Variants in HS3ST3A1 observed in about 807,000 individuals in gnomAD.
The protein encoded by HS3ST3A1 is heparan sulfate glucosamine 3-O-sulfotransferase 3A1.
In HS3ST3A1, 19 loss-of-function variants were observed where a neutral mutation model predicts 25.7. The ratio of observed to expected loss-of-function variants is 0.74; its 90% confidence interval spans 0.52 to 1.08. The LOEUF is 1.08. Ranked by LOEUF, HS3ST3A1 falls within the 50% of genes least tolerant of loss-of-function variation. HS3ST3A1 has a pLI of 0.00. For synonymous variants in HS3ST3A1, 226 were observed against 278.6 expected (o/e 0.81, Z 1.88); for missense variants, 459 against 594.3 (o/e 0.77, Z 2.37).
chr17:13,518,221 A>AG (rs1906117071), intron 1 of HS3ST3A1, among the ~76,000 whole-genome samples: 1 of 148,942 alleles, frequency 6.7e-6, no homozygotes, highest in African/African-American at 2.5e-5. Flanking sequence ...ACTGTTAACA[A>AG]GCTTCTCAAA....
At position 13,497,568 on chromosome 17, in the gene HS3ST3A1, T is replaced by A. The variant is rs185756188; in HGVS notation, c.600-750A>T. Reference sequence around the variant, plus strand: ...CAAATGAGATATCACTTTATCATATTAAAAACAAAAATCCAGTTGGAGTCT... The same window carrying A: ...CAAATGAGATATCACTTTATCATATAAAAAACAAAAATCCAGTTGGAGTCT... On this transcript the variant is annotated intron_variant, in intron 1 of 1. Coordinates refer to ENST00000284110, the MANE Select transcript of HS3ST3A1 (RefSeq NM_006042.3). Among the ~76,000 whole-genome samples, 47 of 152,318 alleles carry A rather than the reference T, an allele frequency of 3.1e-4. No individual in the cohort carries two copies. In the East Asian group the frequency reaches 8.5e-3, roughly 28 times the overall value.
chr17:13,546,757 TCC>T (rs1907099955), intron 1 of HS3ST3A1, among the ~76,000 whole-genome samples: 2 of 152,204 alleles, frequency 1.3e-5, no homozygotes, highest in African/African-American at 4.8e-5. Flanking sequence ...TCAAACTGTG[TCC>T]TCTAGAACAC....
intron 1 of HS3ST3A1, among the ~76,000 whole-genome samples, chr17:13,530,008 A>ACACG: frequency 7.3e-6 from 1 of 137,492 alleles, no homozygotes; most frequent in Non-Finnish European, 1.6e-5. Context: ...ATGTAACTAC[A>ACACG]CACACACACA....
chr17:13,582,048 CA>C (rs1220339662), intron 1 of HS3ST3A1, among the ~76,000 whole-genome samples: 1 of 151,212 alleles, frequency 6.6e-6, no homozygotes, highest in African/African-American at 2.4e-5. Flanking sequence ...AACAGACACA[CA>C]AAAAAAGACT....
chr17:13,548,653 A>C (rs1567620734), intron 1 of HS3ST3A1, among the ~76,000 whole-genome samples: 1 of 152,200 alleles, frequency 6.6e-6, no homozygotes, highest in Non-Finnish European at 1.5e-5. Flanking sequence ...GGGGACTTGG[A>C]GAACTTTTCT....
chr17:13,561,255 T>C (rs963543454), intron 1 of HS3ST3A1, among the ~76,000 whole-genome samples: 13 of 152,190 alleles, frequency 8.5e-5, no homozygotes, highest in Non-Finnish European at 1.9e-4. Context: ...ACTTTGGGTA[T>C]GGCTGTGTAT....
intron 1 of HS3ST3A1, among the ~76,000 whole-genome samples, chr17:13,597,036 A>G (rs1469079038): frequency 6.6e-6 from 1 of 152,142 alleles, no homozygotes; most frequent in Non-Finnish European, 1.5e-5. Context: ...GCTCTAGAAT[A>G]AAATGATTCT....
chr17:13,551,347 C>CAATAAATA (rs71144973), intron 1 of HS3ST3A1, among the ~76,000 whole-genome samples: 7 of 141,320 alleles, frequency 5.0e-5, no homozygotes, highest in Admixed American at 1.4e-4. Context: ...GACTCCATCT[C>CAATAAATA]AATAAATAAA....
intron 1 of HS3ST3A1, among the ~76,000 whole-genome samples, chr17:13,519,806 T>C (rs940282051): frequency 1.3e-5 from 2 of 152,178 alleles, no homozygotes; most frequent in African/African-American, 4.8e-5. Flanking sequence ...CTCCAACCTA[T>C]TGATTTGGTT....
At chr17:13,534,376 T>C (rs1371327492) in intron 1 of HS3ST3A1, among the ~76,000 whole-genome samples, 1 of 151,502 alleles carries the variant, frequency 6.6e-6, no homozygotes, top group Non-Finnish European at 1.5e-5. Flanking sequence ...ACACATACAG[T>C]CAGTTCTTGT....
intron 1 of HS3ST3A1, among the ~76,000 whole-genome samples, chr17:13,549,534 G>T (rs563681943): frequency 3.9e-5 from 6 of 152,188 alleles, no homozygotes; most frequent in African/African-American, 1.4e-4. Flanking sequence ...GCATTCCTTT[G>T]TTCCACCGCT....
At chr17:13,515,006 C>T (rs1273464806) in intron 1 of HS3ST3A1, among the ~76,000 whole-genome samples, 2 of 152,090 alleles carry the variant, frequency 1.3e-5, no homozygotes, top group African/African-American at 2.4e-5. Context: ...CTAGTACTTA[C>T]ATTTTATGAA....
In HS3ST3A1 at chr17:13,496,111, G is replaced by C. The variant is rs1905256926; in HGVS notation, c.*86C>G. 8.8e-6 allele frequency: 12 copies of C among 1,357,490 alleles called. No homozygotes were observed. The highest frequency in any genetic ancestry group is 1.2e-5 in the Non-Finnish European group (12 of 1,027,242). The allele number at this position is 1,357,490 out of a possible 1,614,324, so 84.1% of individuals were successfully genotyped here. On this transcript the variant is annotated 3_prime_UTR_variant, in exon 2 of 2. Coordinates refer to ENST00000284110, the MANE Select transcript of HS3ST3A1 (RefSeq NM_006042.3). The stretch of plus-strand genomic sequence containing the variant: ...AAAAAAATACTGAAACATATTTTCA[G>C]CACAAATATTAAACTGTCTCTTCTC...
chr17:13,584,300 A>C (rs890722107), intron 1 of HS3ST3A1, among the ~76,000 whole-genome samples: 2 of 152,130 alleles, frequency 1.3e-5, no homozygotes, highest in East Asian at 1.9e-4. Flanking sequence ...AAGAACCACT[A>C]TGCTTTTACC....
At chr17:13,536,500 T>C (rs1413118864) in intron 1 of HS3ST3A1, among the ~76,000 whole-genome samples, 2 of 152,210 alleles carry the variant, frequency 1.3e-5, no homozygotes, top group African/African-American at 2.4e-5. Flanking sequence ...CACTGTCACA[T>C]GGTTCCAAAA....
chr17:13,539,972 C>T (rs1906883183), intron 1 of HS3ST3A1, among the ~76,000 whole-genome samples: 1 of 152,202 alleles, frequency 6.6e-6, no homozygotes, highest in African/African-American at 2.4e-5. Context: ...CTGGGCACCC[C>T]AGTTTGGGCT....
chr17:13,586,730 C>G (rs1031378377), intron 1 of HS3ST3A1, among the ~76,000 whole-genome samples: 2 of 150,030 alleles, frequency 1.3e-5, no homozygotes, highest in Admixed American at 1.3e-4. Context: ...ATTAGCCAAG[C>G]GTGGTGGCGG....
At chr17:13,540,803 C>A (rs1022797652) in intron 1 of HS3ST3A1, among the ~76,000 whole-genome samples, 5 of 152,158 alleles carry the variant, frequency 3.3e-5, no homozygotes, top group Admixed American at 6.5e-5. Context: ...AGGGGCTACC[C>A]AAAAGAGCAA....
At chr17:13,506,709 G>A (rs568364635) in intron 1 of HS3ST3A1, among the ~76,000 whole-genome samples, 3 of 152,272 alleles carry the variant, frequency 2.0e-5, no homozygotes, top group Admixed American at 1.3e-4. Context: ...TGTGATGGAG[G>A]AGACCCATGT....
Sources: allele counts gnomAD v4.1 joint callset (sites outside exome capture counted in the v4.1 genomes callset), GRCh38; gene constraint gnomAD v4.1.1; transcripts MANE v1.5; gene names NCBI Gene and HGNC (gene_info 2026-07-23, HGNC 2026-07-21).